The following CAST variants were observed in gnomAD, a reference collection of about 807,000 sequenced individuals.
CAST encodes MIR583 host.
A neutral mutation model predicts 119.6 loss-of-function variants in CAST; 76 were observed. The observed-to-expected ratio is 0.64, with a 90% CI of 0.53 to 0.77. The LOEUF (loss-of-function observed/expected upper bound fraction) is 0.77, where lower values mean the gene tolerates loss of function less well. Ranked by LOEUF, CAST falls within the 30% of genes least tolerant of loss-of-function variation. The probability of loss-of-function intolerance (pLI) is 0.00; values close to 1 mark genes in which losing one functional copy is unlikely to be tolerated. For missense variants in CAST, 953 were observed against 946.5 expected (o/e 1.01, Z -0.09); for synonymous variants, 319 against 331.6 (o/e 0.96, Z 0.41).
At chr5:96,590,951 G>A (rs1267428936) in intron 1 of CAST, among the ~76,000 whole-genome samples, 1 of 152,186 alleles carries the variant, frequency 6.6e-6, no homozygotes, top group East Asian at 1.9e-4. Flanking sequence ...CTTTAGCAAT[G>A]GCAACAGAAG....
At chr5:96,211,088 T>G in the CAST span, among the ~76,000 whole-genome samples, 1 of 152,026 alleles carries the variant, frequency 6.6e-6, no homozygotes, top group South Asian at 2.1e-4. Context: ...GGAACTTTTG[T>G]GTAGGCAATT....
the CAST span, among the ~76,000 whole-genome samples, chr5:96,450,647 A>G: frequency 1.3e-5 from 2 of 152,224 alleles, no homozygotes; most frequent in African/African-American, 4.8e-5. Context: ...ACAATTCCAC[A>G]TCAGAAATAT....
chr5:96,481,520 T>TGAGA, the CAST span, among the ~76,000 whole-genome samples: 1 of 152,292 alleles, frequency 6.6e-6, no homozygotes, highest in East Asian at 1.9e-4. Flanking sequence ...GTATCCTAAG[T>TGAGA]GAGAATGTAT....
At chr5:96,570,600 A>G (rs1279654800) in intron 1 of CAST, among the ~76,000 whole-genome samples, 1 of 152,224 alleles carries the variant, frequency 6.6e-6, no homozygotes, top group South Asian at 2.1e-4. Context: ...AATGAATACA[A>G]TGAAAATAGA....
chr5:96,180,780 T>A, the CAST span, among the ~76,000 whole-genome samples: 1 of 152,220 alleles, frequency 6.6e-6, no homozygotes, highest in Non-Finnish European at 1.5e-5. Context: ...GGAAATTGTC[T>A]AGCTGTGATT....
At chr5:96,221,858 T>C in the CAST span, among the ~76,000 whole-genome samples, 6 of 152,238 alleles carry the variant, frequency 3.9e-5, no homozygotes, top group East Asian at 1.2e-3. Flanking sequence ...CTTCAAAGTA[T>C]ATTACAAGGC....
chr5:96,306,679 T>C, the CAST span, among the ~76,000 whole-genome samples: 3 of 152,220 alleles, frequency 2.0e-5, no homozygotes, highest in Non-Finnish European at 4.4e-5. Context: ...AAAGAACTTA[T>C]TTATTTCTGA....
At chr5:96,059,297 G>C in the CAST span, among the ~76,000 whole-genome samples, 5 of 152,164 alleles carry the variant, frequency 3.3e-5, no homozygotes, top group Admixed American at 1.3e-4. Context: ...TCAGGAGGCT[G>C]AGAGCAACCA....
chr5:96,749,663 C>T (rs960030857), intron 19 of CAST, among the ~76,000 whole-genome samples: 3 of 152,194 alleles, frequency 2.0e-5, no homozygotes, highest in Admixed American at 2.0e-4. Flanking sequence ...TCTCTCGCCT[C>T]AGCCTCCTGA....
At chr5:96,704,856 G>A (rs911480082) in intron 3 of CAST, among the ~76,000 whole-genome samples, 13 of 152,160 alleles carry the variant, frequency 8.5e-5, no homozygotes, top group Non-Finnish European at 1.3e-4. Flanking sequence ...ACTTAAAAAT[G>A]TCATCTTAAT....
chr5:96,173,848 C>T, the CAST span, among the ~76,000 whole-genome samples: 2 of 152,016 alleles, frequency 1.3e-5, no homozygotes, highest in East Asian at 1.9e-4. Context: ...TCACACCATT[C>T]TCCTGCCTCA....
the CAST span, among the ~76,000 whole-genome samples, chr5:96,108,893 C>T: frequency 6.6e-6 from 1 of 152,244 alleles, no homozygotes; most frequent in Non-Finnish European, 1.5e-5. Context: ...GGGCATAGGA[C>T]CCTCCAAGCC....
chr5:96,439,807 G>A, the CAST span, among the ~76,000 whole-genome samples: 1,704 of 152,262 alleles, frequency 0.011, 19 homozygotes, highest in Non-Finnish European at 0.016. Flanking sequence ...TAATCTGCTT[G>A]TTGTTTAAAA....
At chr5:96,460,389 G>A in the CAST span, among the ~76,000 whole-genome samples, 3 of 152,042 alleles carry the variant, frequency 2.0e-5, no homozygotes, top group East Asian at 3.9e-4. Context: ...GTGGTTGGAG[G>A]GCAAAAGGGA....
intron 1 of CAST, among the ~76,000 whole-genome samples, chr5:96,601,574 G>A (rs1004302131): frequency 2.0e-5 from 3 of 152,158 alleles, no homozygotes; most frequent in East Asian, 1.9e-4. Flanking sequence ...AAGGTACAAA[G>A]CTGTTATTGC....
intron 1 of CAST, among the ~76,000 whole-genome samples, chr5:96,590,699 G>A (rs1331107665): frequency 6.6e-6 from 1 of 152,198 alleles, no homozygotes; most frequent in African/African-American, 2.4e-5. Flanking sequence ...CAACAGTGAG[G>A]AAGTCAGGGT....
At chr5:96,533,979 C>A (rs997174629) in intron 1 of CAST, among the ~76,000 whole-genome samples, 1 of 152,072 alleles carries the variant, frequency 6.6e-6, no homozygotes, top group Non-Finnish European at 1.5e-5. Context: ...ATTAAATGAG[C>A]CTGTCACTTC....
the CAST span, among the ~76,000 whole-genome samples, chr5:96,098,662 A>C: frequency 6.6e-6 from 1 of 152,090 alleles, no homozygotes; most frequent in African/African-American, 2.4e-5. Context: ...TGGGTTCTCT[A>C]TTCTGCTCCA....
chr5:96,452,072 A>AGAC, the CAST span, among the ~76,000 whole-genome samples: 2 of 152,240 alleles, frequency 1.3e-5, no homozygotes, highest in Non-Finnish European at 2.9e-5. Flanking sequence ...CCATTGTGGA[A>AGAC]GACAGTGTGG....
Sources: gnomAD v4.1 joint callset for allele counts (sites outside exome capture counted in the v4.1 genomes callset) on GRCh38, gnomAD v4.1.1 for gene constraint, MANE v1.5 for transcripts, NCBI Gene and HGNC (gene_info 2026-07-23, HGNC 2026-07-21) for gene names.